CSMD3: variants seen among roughly 807,000 people sequenced by gnomAD.
The protein encoded by CSMD3 is CUB and sushi domain-containing protein 3.
Under a neutral mutation model 435.2 loss-of-function variants are expected in CSMD3, and 177 were observed. That is an observed-to-expected ratio of 0.41 (90% CI 0.36 to 0.46). CSMD3 has a LOEUF of 0.46. Among genes scored for constraint, CSMD3 ranks in the 20% least tolerant of loss-of-function variants. CSMD3 has a pLI of 0.34. For synonymous variants in CSMD3, 1,656 were observed against 1,520.5 expected, an observed-to-expected ratio of 1.09 and a Z score of -2.07; for missense variants, 4,265 against 4,504.6, an observed-to-expected ratio of 0.95 and a Z score of 1.52.
chr8:112,405,568 T>C lies in CSMD3; in HGVS notation c.5809+956A>G, dbSNP rs1038495150. ...ATAATTTTAGATAGTATACATTCTA[T>C]TTACCAATGCAAGTTAGATATACTA... On this transcript the variant is annotated intron_variant, in intron 35 of 70. Transcript: ENST00000297405. 3.3e-5 allele frequency among the ~76,000 whole-genome samples: 5 copies of C among 151,764 alleles called. No individual in the cohort carries two copies. The South Asian group carries it at 8.3e-4, about 25-fold the overall frequency.
At chr8:112,243,269 T>A (rs1469438771) in intron 65 of CSMD3, among the ~76,000 whole-genome samples, 1 of 151,782 alleles carries the variant, frequency 6.6e-6, no homozygotes, top group Non-Finnish European at 1.5e-5. Flanking sequence ...AGCAGAGGAA[T>A]GTTCTGATAA....
At chr8:112,730,804 A>G (rs1429601318) in intron 13 of CSMD3, among the ~76,000 whole-genome samples, 1 of 152,124 alleles carries the variant, frequency 6.6e-6, no homozygotes. Flanking sequence ...AATTAGATCA[A>G]TTTAGGGCTT....
chr8:113,090,000 G>GA (rs199528234), intron 5 of CSMD3, among the ~76,000 whole-genome samples: 9 of 151,334 alleles, frequency 5.9e-5, no homozygotes, highest in Admixed American at 1.3e-4. Flanking sequence ...TGAGTGTTCA[G>GA]AAAAAAAAAG....
intron 5 of CSMD3, among the ~76,000 whole-genome samples, chr8:113,049,427 C>A (rs1277973948): frequency 6.6e-6 from 1 of 150,822 alleles, no homozygotes; most frequent in Non-Finnish European, 1.5e-5. Context: ...GTGCTCAGGG[C>A]TTCTAAAATG....
chr8:112,621,481 T>C (rs1834067995), intron 22 of CSMD3, among the ~76,000 whole-genome samples: 1 of 152,136 alleles, frequency 6.6e-6, no homozygotes. Context: ...CTAGATTCAC[T>C]GTCTGCAATT....
At chr8:112,534,834 G>A (rs941313330) in intron 27 of CSMD3, among the ~76,000 whole-genome samples, 1 of 152,032 alleles carries the variant, frequency 6.6e-6, no homozygotes, top group Admixed American at 6.6e-5. Flanking sequence ...TATCCACCAT[G>A]ATCAAGTGGG....
At chr8:112,459,888 T>C (rs548066106) in intron 32 of CSMD3, among the ~76,000 whole-genome samples, 1 of 152,198 alleles carries the variant, frequency 6.6e-6, no homozygotes, top group African/African-American at 2.4e-5. Flanking sequence ...TCTACATCTT[T>C]CCTTGTGTTG....
At chr8:112,432,111 A>T (rs1813779716) in intron 32 of CSMD3, among the ~76,000 whole-genome samples, 1 of 152,122 alleles carries the variant, frequency 6.6e-6, no homozygotes, top group East Asian at 1.9e-4. Flanking sequence ...GGTGAAAAAA[A>T]AAATGAGTGA....
intron 13 of CSMD3, among the ~76,000 whole-genome samples, chr8:112,786,970 G>T (rs1252965721): frequency 6.6e-6 from 1 of 152,088 alleles, no homozygotes; most frequent in Non-Finnish European, 1.5e-5. Flanking sequence ...ACTTATGAGT[G>T]AGAACATGCA....
intron 6 of CSMD3, among the ~76,000 whole-genome samples, chr8:113,015,485 T>C (rs950956542): frequency 6.6e-6 from 1 of 151,928 alleles, no homozygotes; most frequent in Non-Finnish European, 1.5e-5. Flanking sequence ...GTAAGGAATT[T>C]AGAGGCTTGA....
chr8:112,515,359 A>C (rs1270011874), intron 28 of CSMD3, among the ~76,000 whole-genome samples: 1 of 152,092 alleles, frequency 6.6e-6, no homozygotes. Flanking sequence ...TCTTCATGAG[A>C]TATGTGGTCA....
chr8:112,761,724 C>T (rs906083009), intron 13 of CSMD3, among the ~76,000 whole-genome samples: 3 of 151,762 alleles, frequency 2.0e-5, no homozygotes, highest in African/African-American at 7.3e-5. Flanking sequence ...GTGCATGCAC[C>T]CATATTTATT....
intron 24 of CSMD3, among the ~76,000 whole-genome samples, chr8:112,560,075 C>T (rs559680777): frequency 6.6e-6 from 1 of 151,844 alleles, no homozygotes; most frequent in Admixed American, 6.6e-5. Flanking sequence ...TATATTAGCT[C>T]ACTTGTGTCA....
At chr8:112,586,522 T>G (rs767424272) in intron 23 of CSMD3, among the ~76,000 whole-genome samples, 17 of 151,480 alleles carry the variant, frequency 1.1e-4, no homozygotes, top group Non-Finnish European at 2.4e-4. Context: ...ACACCGATAG[T>G]CATTATCAAC....
intron 13 of CSMD3, among the ~76,000 whole-genome samples, chr8:112,699,156 C>T (rs1414754602): frequency 3.3e-5 from 5 of 152,092 alleles, no homozygotes; most frequent in African/African-American, 1.2e-4. Context: ...TTTGTTCTTT[C>T]CCCCTTGATA....
chr8:112,642,873 T>C (rs1184058084), intron 20 of CSMD3, among the ~76,000 whole-genome samples: 2 of 152,186 alleles, frequency 1.3e-5, no homozygotes, highest in Admixed American at 6.5e-5. Context: ...TTAACACAAA[T>C]ACTGTCTTCT....
At chr8:112,399,153 C>T (rs867296081) in intron 35 of CSMD3, among the ~76,000 whole-genome samples, 37 of 152,044 alleles carry the variant, frequency 2.4e-4, no homozygotes, top group South Asian at 2.3e-3. Flanking sequence ...CTTGACTTCA[C>T]GTGATCCACC....
intron 9 of CSMD3, among the ~76,000 whole-genome samples, chr8:112,934,369 T>A (rs559899795): frequency 6.6e-6 from 1 of 152,314 alleles, no homozygotes; most frequent in African/African-American, 2.4e-5. Context: ...CTTTTTGGGT[T>A]GCTGAATAGA....
At chr8:113,405,506 GTT>G (rs1399576830) in intron 1 of CSMD3, among the ~76,000 whole-genome samples, 2 of 151,614 alleles carry the variant, frequency 1.3e-5, no homozygotes, top group African/African-American at 2.4e-5. Flanking sequence ...CTATAGAAGT[GTT>G]TTAAAAACCT....
Sources: allele counts gnomAD v4.1 joint callset (sites outside exome capture counted in the v4.1 genomes callset), GRCh38; gene constraint gnomAD v4.1.1; transcripts MANE v1.5; gene names NCBI Gene and HGNC (gene_info 2026-07-23, HGNC 2026-07-21).